Variants in PIK3C2G observed in about 807,000 individuals in gnomAD.
PIK3C2G encodes the protein phosphatidylinositol-4-phosphate 3-kinase catalytic subunit type 2 gamma.
PIK3C2G carries 168 observed loss-of-function variants against 181.1 expected under a neutral mutation model. The observed-to-expected ratio is 0.93, with a 90% confidence interval of 0.82 to 1.05. PIK3C2G has a LOEUF of 1.05. Among genes scored for constraint, PIK3C2G ranks in the 50% least tolerant of loss-of-function variants. PIK3C2G has a pLI of 0.00. For missense variants in PIK3C2G, 1,869 were observed against 1,732.8 expected (o/e 1.08, Z -1.40); for synonymous variants, 573 against 592.2 (o/e 0.97, Z 0.47).
At chr12:18,657,441 T>C in the PIK3C2G span, among the ~76,000 whole-genome samples, 1 of 145,092 alleles carries the variant, frequency 6.9e-6, no homozygotes, top group African/African-American at 2.6e-5. Context: ...TATAGCAGAG[T>C]AGTAAGCTTA....
intron 5 of PIK3C2G, among the ~76,000 whole-genome samples, chr12:18,297,031 T>A (rs964600342): frequency 6.6e-6 from 1 of 152,084 alleles, no homozygotes; most frequent in African/African-American, 2.4e-5. Flanking sequence ...TCTTGTCCAA[T>A]AGCTTGATCC....
At chr12:18,313,858 C>T (rs946178176) in intron 5 of PIK3C2G, 104 bp from the exon 6 acceptor site, 11 of 658,790 alleles carry the variant, frequency 1.7e-5, no homozygotes, top group Non-Finnish European at 2.4e-5. Context: ...TCAGTTTTTA[C>T]CAAACTAAGT....
chr12:18,482,660 C>T (rs1939674169), intron 18 of PIK3C2G, among the ~76,000 whole-genome samples: 1 of 152,110 alleles, frequency 6.6e-6, no homozygotes, highest in African/African-American at 2.4e-5. Context: ...TCTTCATGTT[C>T]ACAGAAGCCT....
chr12:18,270,495 T>C (rs1948702908), intron 1 of PIK3C2G, among the ~76,000 whole-genome samples: 1 of 152,186 alleles, frequency 6.6e-6, no homozygotes, highest in Non-Finnish European at 1.5e-5. Flanking sequence ...CAAGGACTAC[T>C]ACTGTTTTCC....
chr12:18,442,250 T>C (rs1371759471), intron 18 of PIK3C2G, among the ~76,000 whole-genome samples: 13 of 152,172 alleles, frequency 8.5e-5, no homozygotes, highest in Admixed American at 8.5e-4. Flanking sequence ...ATAACTCTAT[T>C]AACCTCACCC....
intron 10 of PIK3C2G, among the ~76,000 whole-genome samples, chr12:18,345,905 A>G (rs1044004005): frequency 5.9e-5 from 9 of 152,190 alleles, no homozygotes; most frequent in African/African-American, 1.9e-4. Context: ...TCTTAAGAAC[A>G]CAATTTCTGA....
chr12:18,479,626 T>C lies in PIK3C2G; in HGVS notation c.2505-8823T>C, dbSNP rs891181566. 2.6e-5 allele frequency among the ~76,000 whole-genome samples: 4 copies of C among 152,186 alleles called. No homozygotes were observed. The South Asian group carries it at 8.3e-4, about 31-fold the overall frequency. On this transcript the variant is annotated intron_variant, in intron 18 of 32. Coordinates refer to ENST00000538779, the MANE Select transcript of PIK3C2G (RefSeq NM_001288772.2). ...GAATAAAATTATAGAGCCCCGGAAC[T>C]GGAAGGCAGCTTACTAAACCTCACC...
intron 29 of PIK3C2G, among the ~76,000 whole-genome samples, chr12:18,567,714 T>TTGTTTTC (rs1945712955): frequency 6.6e-6 from 1 of 151,930 alleles, no homozygotes; most frequent in African/African-American, 2.4e-5. Flanking sequence ...GTCTCAACAA[T>TTGTTTTC]ATAAGAAAAT....
At chr12:18,452,828 G>A (rs992102064) in intron 18 of PIK3C2G, among the ~76,000 whole-genome samples, 5 of 152,020 alleles carry the variant, frequency 3.3e-5, no homozygotes, top group Admixed American at 6.6e-5. Flanking sequence ...ATTTACCCAG[G>A]AGTCATTCAG....
chr12:18,682,293 G>C, the PIK3C2G span, among the ~76,000 whole-genome samples: 1 of 151,796 alleles, frequency 6.6e-6, no homozygotes, highest in Non-Finnish European at 1.5e-5. Context: ...AAGATATCAC[G>C]TGTTAGTACA....
the PIK3C2G span, among the ~76,000 whole-genome samples, chr12:18,700,512 C>CAAA: frequency 0.082 from 5,523 of 67,644 alleles, 988 homozygotes; most frequent in East Asian, 0.31. Flanking sequence ...AGCCAACGTA[C>CAAA]AAAAAAAAAA....
the PIK3C2G span, among the ~76,000 whole-genome samples, chr12:18,664,690 A>C: frequency 2.0e-5 from 3 of 152,006 alleles, no homozygotes; most frequent in East Asian, 1.9e-4. Context: ...TCATGCTGCT[A>C]TAAAGACACA....
chr12:18,541,869 A>T (rs1012299423), intron 25 of PIK3C2G, among the ~76,000 whole-genome samples: 2 of 151,878 alleles, frequency 1.3e-5, no homozygotes, highest in African/African-American at 4.8e-5. Flanking sequence ...TGCAGAGTCA[A>T]CACTCAAAGT....
At chr12:18,338,314 A>G (rs559854218) in intron 8 of PIK3C2G, 112 bp from the exon 9 acceptor site, 10 of 800,878 alleles carry the variant, frequency 1.2e-5, no homozygotes, top group African/African-American at 3.5e-5. Context: ...GAAAGCAAAC[A>G]AGCATATTTT....
Position 18,637,801 on chromosome 12 carries a change from C to T in PIK3C2G, c.4183-2628C>T, listed in dbSNP as rs532602575. ...TACTCTCAGTGTGGGTCTTATATGA[C>T]GAATCCACTCTCCATATGCTTTTAA... On this transcript the variant is annotated intron_variant, in intron 31 of 32. Coordinates refer to ENST00000538779, the MANE Select transcript of PIK3C2G (RefSeq NM_001288772.2). Among the ~76,000 whole-genome samples, 7 of 152,220 alleles carry T rather than the reference C, an allele frequency of 4.6e-5. No individual in the cohort carries two copies. The South Asian group carries it at 6.2e-4, about 14-fold the overall frequency.
chr12:18,482,411 C>CA (rs1939651076), intron 18 of PIK3C2G, among the ~76,000 whole-genome samples: 1 of 152,068 alleles, frequency 6.6e-6, no homozygotes, highest in African/African-American at 2.4e-5. Context: ...AGCTGGCTAC[C>CA]TTGGGGTTAC....
At chr12:18,263,328 A>C (rs1393555900) in intron 1 of PIK3C2G, among the ~76,000 whole-genome samples, 2 of 152,098 alleles carry the variant, frequency 1.3e-5, no homozygotes, top group Non-Finnish European at 1.5e-5. Context: ...ACTGACTTTG[A>C]ATTATATTAA....
chr12:18,365,131 G>A (rs1941549118), intron 12 of PIK3C2G, among the ~76,000 whole-genome samples: 3 of 152,094 alleles, frequency 2.0e-5, no homozygotes. Flanking sequence ...CCCACAACCA[G>A]AAAGTGTCAA....
intron 29 of PIK3C2G, among the ~76,000 whole-genome samples, chr12:18,569,185 C>T (rs1592607731): frequency 1.3e-5 from 2 of 152,076 alleles, no homozygotes; most frequent in East Asian, 1.9e-4. Context: ...GGAATGGTCA[C>T]TGCGGGAGCC....
Sources: gnomAD v4.1 joint callset for allele counts (sites outside exome capture counted in the v4.1 genomes callset) on GRCh38, gnomAD v4.1.1 for gene constraint, MANE v1.5 for transcripts, NCBI Gene and HGNC (gene_info 2026-07-23, HGNC 2026-07-21) for gene names.